The following GALNT15 variants were observed in gnomAD, a reference collection of about 807,000 sequenced individuals.
The protein encoded by GALNT15 is UDP-GalNAc transferase T15.
A neutral mutation model predicts 66.8 loss-of-function variants in GALNT15; 67 were observed. That is an observed-to-expected ratio of 1.00 (90% CI 0.82 to 1.23). The LOEUF (loss-of-function observed/expected upper bound fraction) is 1.23. Ranked by LOEUF, GALNT15 falls within the 50% of genes most tolerant of loss-of-function variation. The probability of loss-of-function intolerance (pLI) is 0.00; values close to 1 mark genes in which losing one functional copy is unlikely to be tolerated. For missense variants in GALNT15, 827 were observed against 804.3 expected (o/e 1.03, Z -0.34); for synonymous variants, 313 against 311.5 (o/e 1.00, Z -0.05).
At chr3:16,213,140 G>T (rs1325743230) in intron 6 of GALNT15, among the ~76,000 whole-genome samples, 2 of 152,124 alleles carry the variant, frequency 1.3e-5, no homozygotes, top group African/African-American at 4.8e-5. Flanking sequence ...TCCAAGACAT[G>T]AAACAAATAT....
rs1022865858 is a variant in GALNT15, at chr3:16,223,061, G to A, written c.1773+303G>A. On this transcript the variant is annotated intron_variant, in intron 9 of 9. Coordinates refer to ENST00000339732, the MANE Select transcript of GALNT15 (RefSeq NM_054110.5). ...TATTGGCTCAGTTCACAAGTAGGAT[G>A]GTGAGGCATGTTACAAGGAACGTTC... is the stretch of plus-strand genomic sequence containing the variant. Among the ~76,000 whole-genome samples, 3 of 152,220 alleles carry A rather than the reference G, an allele frequency of 2.0e-5. No individual in the cohort carries two copies. The South Asian group carries it at 6.2e-4, about 32-fold the overall frequency.
Position 16,193,505 on chromosome 3 carries a change from T to C in GALNT15, c.540-2255T>C, listed in dbSNP as rs1011818621. Among the ~76,000 whole-genome samples the C allele has an allele frequency of 1.3e-5, 2 of 152,218 alleles. No homozygotes were observed. The highest frequency in any genetic ancestry group is 1.3e-4 in the Admixed American group (2 of 15,284). ...AATTAGCTCCTTTATGAGATGTTTA[T>C]GTGTTTTTAAAAATTATTTAGGAAT... On this transcript the variant is annotated intron_variant, in intron 1 of 9. Transcript: ENST00000339732. The surrounding 1 kb of genome is among the most constrained non-coding windows in gnomAD (Gnocchi z 4.7).
rs146878946 is a variant in GALNT15, at chr3:16,209,984, A to G, written c.1080-1140A>G. Among the ~76,000 whole-genome samples the G allele has an allele frequency of 3.6e-4, 55 of 152,250 alleles. 1 individual carries two copies. Among genetic ancestry groups the G allele is most frequent in the African/African-American group, 1.3e-3 (53 of 41,530 alleles). ...TATTTGACTAAAGAGTGCCGGGCAG[A>G]CCCCACTAGGACTGATGTGTGGTAT... On this transcript the variant is annotated intron_variant, in intron 4 of 9. Transcript: ENST00000339732. The surrounding 1 kb of genome is among the most constrained non-coding windows in gnomAD (Gnocchi z 4.1).
downstream of GALNT15, among the ~76,000 whole-genome samples, chr3:16,232,451 A>AAAATAAATAAATAAAT (rs1194898714): frequency 3.4e-4 from 23 of 67,716 alleles, no homozygotes; most frequent in African/African-American, 1.1e-3. Flanking sequence ...GCCTGGCCTC[A>AAAATAAATAAATAAAT]AAATAAATAA....
chr3:16,216,928 G>T (rs1206188180), intron 6 of GALNT15, among the ~76,000 whole-genome samples: 1 of 151,534 alleles, frequency 6.6e-6, no homozygotes, highest in Non-Finnish European at 1.5e-5. Flanking sequence ...GGAGACTGCC[G>T]TTCCCTGGTG....
Position 16,225,466 on chromosome 3 carries a change from G to A in GALNT15, c.1774-1888G>A, listed in dbSNP as rs1370229125. ...AATCCCAGCACTTCGGGAGGCCGAG[G>A]CAGGTGGATCACGAGGTCAGGAGGC... On this transcript the variant is annotated intron_variant, in intron 9 of 9. Transcript: ENST00000339732. The surrounding 1 kb of genome is among the most constrained non-coding windows in gnomAD (Gnocchi z 4.4). Among the ~76,000 whole-genome samples the A allele has an allele frequency of 6.6e-6, 1 of 152,232 alleles. No homozygotes were observed. Among genetic ancestry groups the A allele is most frequent in the Admixed American group, 6.5e-5 (1 of 15,290 alleles).
chr3:16,233,021 T>A (rs1450750604), downstream of GALNT15, among the ~76,000 whole-genome samples: 1 of 151,792 alleles, frequency 6.6e-6, no homozygotes, highest in African/African-American at 2.4e-5. Flanking sequence ...GGACTGTTTT[T>A]TGCTTCTAAC....
At chr3:16,207,147 A>G (rs898173689) in intron 3 of GALNT15, among the ~76,000 whole-genome samples, 2 of 152,216 alleles carry the variant, frequency 1.3e-5, no homozygotes, top group Non-Finnish European at 2.9e-5. Flanking sequence ...ACCTAAAGCC[A>G]TAGATTAAAG....
At chr3:16,198,362 T>A (rs1184488685) in intron 2 of GALNT15, among the ~76,000 whole-genome samples, 3 of 141,234 alleles carry the variant, frequency 2.1e-5, no homozygotes, top group Admixed American at 7.2e-5. Context: ...AAAAAAAAAA[T>A]TAGTAAAATA....
Position 16,176,955 on chromosome 3 carries a change from A to G in GALNT15, c.539+1265A>G, listed in dbSNP as rs17041952. On this transcript the variant is annotated intron_variant, in intron 1 of 9. Coordinates refer to ENST00000339732, the MANE Select transcript of GALNT15 (RefSeq NM_054110.5). The surrounding 1 kb of genome is among the most constrained non-coding windows in gnomAD (Gnocchi z 5.6). Reference sequence around the variant, plus strand: ...TCACCGCACCCTACTTCCATTTCAAACCCGCTACACTGTTTTCAAGCCTTA... The same window carrying G: ...TCACCGCACCCTACTTCCATTTCAAGCCCGCTACACTGTTTTCAAGCCTTA... Among the ~76,000 whole-genome samples, 2 of 151,856 alleles carry G rather than the reference A, an allele frequency of 1.3e-5. No homozygotes were observed. The highest frequency in any genetic ancestry group is 2.1e-4 in the South Asian group (1 of 4,820).
Position 16,208,670 on chromosome 3 carries a change from G to C in GALNT15, c.1079G>C (p.Arg360Thr), listed in dbSNP as rs754940195. ...KALQSPISPIRSPVVPGEVVA... is the reference protein window; with the variant it reads ...KALQSPISPITSPVVPGEVVA... ...CTCCAGTCCCCCATAAGCCCCATCA[G>C]GTGAGTCCCCATTTCACACCTGCTT... Residue 360 changes from arginine (R) to threonine (T), a missense_variant and splice_region_variant, in exon 4 of 10, where the codon AGG (arginine) becomes ACG (threonine). Coordinates refer to ENST00000339732, the MANE Select transcript of GALNT15 (RefSeq NM_054110.5). 5.6e-6 allele frequency: 9 copies of C among 1,613,228 alleles called. No individual in the cohort carries two copies. In the East Asian group the frequency reaches 1.3e-4, roughly 24 times the overall value.
chr3:16,198,944 T>TG (rs376097950), intron 2 of GALNT15, among the ~76,000 whole-genome samples: 3 of 141,864 alleles, frequency 2.1e-5, no homozygotes, highest in East Asian at 2.1e-4. Flanking sequence ...GCTGGGGAAC[T>TG]GGGGGGGAAA....
chr3:16,226,065 A>T (rs2064011813), intron 9 of GALNT15, among the ~76,000 whole-genome samples: 1 of 151,554 alleles, frequency 6.6e-6, no homozygotes, highest in Non-Finnish European at 1.5e-5. Context: ...AAAAAAAAAA[A>T]TTACACAAAG....
At position 16,184,760 on chromosome 3, in the gene GALNT15, G is replaced by T. The variant is rs964358993; in HGVS notation, c.539+9070G>T. 6.6e-6 allele frequency among the ~76,000 whole-genome samples: 1 copy of T among 152,218 alleles called. No homozygotes were observed. The highest frequency in any genetic ancestry group is 1.5e-5 in the Non-Finnish European group (1 of 68,036). On this transcript the variant is annotated intron_variant, in intron 1 of 9. Coordinates refer to ENST00000339732, the MANE Select transcript of GALNT15 (RefSeq NM_054110.5). The surrounding 1 kb of genome is among the most constrained non-coding windows in gnomAD (Gnocchi z 5.0). Reference sequence around the variant, plus strand: ...GCAGAGATGCCTGAGAGAGGCATGTGTTCAAGGCAGCTACCTCTGTGGGCA... The same window carrying T: ...GCAGAGATGCCTGAGAGAGGCATGTTTTCAAGGCAGCTACCTCTGTGGGCA...
chr3:16,200,479 C>G lies in GALNT15; in HGVS notation c.707-140C>G, dbSNP rs1263029792. The G allele has an allele frequency of 3.8e-6, 2 of 531,174 alleles. No homozygotes were observed. Among genetic ancestry groups the G allele is most frequent in the Middle Eastern group, 5.0e-4 (1 of 2,012 alleles). 32.9% of individuals were successfully genotyped at this position (531,174 alleles called of 1,614,324 possible). On this transcript the variant is annotated intron_variant, in intron 2 of 9. Coordinates refer to ENST00000339732, the MANE Select transcript of GALNT15 (RefSeq NM_054110.5). This position sits in a 1 kb window ranked among gnomAD's most constrained non-coding sequence, Gnocchi z 4.4. ...GCATCTTACATCTCAGCAACAACCA[C>G]ACTGTAGTAATGTTTTCGGTTCTTA... is the stretch of plus-strand genomic sequence containing the variant.
chr3:16,221,742 T>G (rs893721650), intron 8 of GALNT15, among the ~76,000 whole-genome samples: 1 of 152,202 alleles, frequency 6.6e-6, no homozygotes, highest in South Asian at 2.1e-4. Flanking sequence ...AAACAAATTA[T>G]TCTTCCCTGA....
At chr3:16,240,773 C>T in the GALNT15 span, among the ~76,000 whole-genome samples, 110 of 152,200 alleles carry the variant, frequency 7.2e-4, no homozygotes, top group African/African-American at 2.6e-3. Flanking sequence ...ACCTAAAGCA[C>T]TCTCCTTCCA....
chr3:16,193,527 G>T lies in GALNT15; in HGVS notation c.540-2233G>T, dbSNP rs1274387602. 6.6e-6 allele frequency among the ~76,000 whole-genome samples: 1 copy of T among 152,120 alleles called. No homozygotes were observed. Among genetic ancestry groups the T allele is most frequent in the Non-Finnish European group, 1.5e-5 (1 of 68,008 alleles). On this transcript the variant is annotated intron_variant, in intron 1 of 9. Coordinates refer to ENST00000339732, the MANE Select transcript of GALNT15 (RefSeq NM_054110.5). The surrounding 1 kb of genome is among the most constrained non-coding windows in gnomAD (Gnocchi z 4.7). ...TTATGTGTTTTTAAAAATTATTTAG[G>T]AATTCTGCTTACCATTACCTAGACT...
chr3:16,236,318 T>C (rs2064125609), downstream of GALNT15, among the ~76,000 whole-genome samples: 1 of 152,218 alleles, frequency 6.6e-6, no homozygotes, highest in Non-Finnish European at 1.5e-5. Flanking sequence ...GAAAGTGCTA[T>C]ACACTGTTTC....
Sources: allele counts gnomAD v4.1 joint callset (sites outside exome capture counted in the v4.1 genomes callset), GRCh38; gene constraint gnomAD v4.1.1; non-coding constraint Gnocchi (gnomAD v3.1); transcripts MANE v1.5; gene names NCBI Gene and HGNC (gene_info 2026-07-23, HGNC 2026-07-21).